FAM20C: variants seen among roughly 807,000 people sequenced by gnomAD.
The protein encoded by FAM20C is FAM20C golgi associated secretory pathway kinase.
In FAM20C, 40 loss-of-function variants were observed where a neutral mutation model predicts 51.5. The ratio of observed to expected loss-of-function variants is 0.78; its 90% CI spans 0.60 to 1.01. FAM20C has a LOEUF of 1.01. Ranked by LOEUF, FAM20C falls within the 50% of genes least tolerant of loss-of-function variation. The probability of loss-of-function intolerance (pLI) is 0.00; values close to 1 mark genes in which losing one functional copy is unlikely to be tolerated. For missense variants in FAM20C, 861 were observed against 844.7 expected (o/e 1.02, Z -0.24); for synonymous variants, 406 against 380.6 (o/e 1.07, Z -0.78).
intron 3 of FAM20C, among the ~76,000 whole-genome samples, chr7:220,927 GC>G (rs1787232851): frequency 6.6e-6 from 1 of 151,328 alleles, no homozygotes; most frequent in Non-Finnish European, 1.5e-5. Flanking sequence ...CTCGTCTCTA[GC>G]AGGGCAGGGG....
At chr7:207,843 C>G (rs1348191938) in intron 2 of FAM20C, among the ~76,000 whole-genome samples, 1 of 152,262 alleles carries the variant, frequency 6.6e-6, no homozygotes, top group Non-Finnish European at 1.5e-5. Flanking sequence ...AGCCCCTTCC[C>G]TGCTGTGGGA....
At chr7:207,784 G>T (rs1325328979) in intron 2 of FAM20C, among the ~76,000 whole-genome samples, 3 of 152,140 alleles carry the variant, frequency 2.0e-5, no homozygotes, top group Admixed American at 2.0e-4. Context: ...CGACCTGGAG[G>T]CCCTCGCTGT....
At chr7:254,257 C>T (rs955939410) in intron 5 of FAM20C, among the ~76,000 whole-genome samples, 11 of 152,208 alleles carry the variant, frequency 7.2e-5, no homozygotes, top group African/African-American at 2.4e-4. Flanking sequence ...CGCTGGGAAG[C>T]GCCCTGCCGA....
chr7:256,915 G>T (rs534654982), intron 7 of FAM20C, 90 bp from the exon 8 acceptor site: 1 of 1,459,536 alleles, frequency 6.9e-7, no homozygotes, highest in Admixed American at 2.0e-5. Flanking sequence ...ACGCTGGCAG[G>T]AGGAGACGCC....
chr7:214,937 C>T (rs1786889833), intron 3 of FAM20C, among the ~76,000 whole-genome samples: 1 of 152,134 alleles, frequency 6.6e-6, no homozygotes, highest in Admixed American at 6.5e-5. Context: ...CCGGGCCTGG[C>T]CTCCCGCCAG....
At position 256,055 on chromosome 7, in the gene FAM20C, G is replaced by A. The variant is rs574332586; in HGVS notation, c.1253+26G>A. 181 of 1,530,692 alleles carry A rather than the reference G, an allele frequency of 1.2e-4. 3 individuals carry two copies. The South Asian group carries it at 1.8e-3, about 15-fold the overall frequency. The allele number at this position is 1,530,692 out of a possible 1,614,324, so 94.8% of individuals were successfully genotyped here. On this transcript the variant is annotated intron_variant, in intron 6 of 9. Coordinates refer to ENST00000313766, the MANE Select transcript of FAM20C (RefSeq NM_020223.4). Reference sequence around the variant, plus strand: ...GTGAGTGCGGGGCCGGGGGGCTGGCGTCCGGCCACCCTACGGCAGAGGGAG... The same window carrying A: ...GTGAGTGCGGGGCCGGGGGGCTGGCATCCGGCCACCCTACGGCAGAGGGAG...
In FAM20C at chr7:193,530, C is replaced by T; in HGVS notation, c.331C>T (p.Pro111Ser). The stretch of plus-strand genomic sequence containing the variant: ...CTCGTCCCACTCGCTGGAGAAACTG[C>T]CGCCCGCGGCCGAGCCGGCCGAGCG... ...NLSSHSLEKL[P>S]PAAEPAERAL... is the part of the protein sequence containing the mutation. Residue 111 changes from proline (P) to serine (S), a missense_variant, in exon 1 of 10, where the codon CCG becomes TCG. Around this residue, in one of 3 missense-constraint regions of FAM20C, gnomAD observed 561 missense variants for 499.8 expected, o/e 1.12. Transcript: ENST00000313766. The T allele has an allele frequency of 6.7e-7, 1 of 1,496,060 alleles. No individual in the cohort carries two copies. 92.7% of individuals were successfully genotyped at this position (1,496,060 alleles called of 1,614,324 possible). A position where few individuals can be genotyped will look rare whatever the true frequency, so the allele number is the denominator to read the frequency against.
chr7:228,090 C>A (rs1583314387), intron 3 of FAM20C: 1 of 240,016 alleles, frequency 4.2e-6, no homozygotes, highest in Non-Finnish European at 8.3e-6. Context: ...ACCACAGCGA[C>A]CCGTCAGAGC....
intron 2 of FAM20C, among the ~76,000 whole-genome samples, chr7:205,263 G>A (rs1183657412): frequency 6.7e-6 from 1 of 149,316 alleles, no homozygotes; most frequent in Non-Finnish European, 1.5e-5. Flanking sequence ...CCACCACGAC[G>A]TCAGCCTCCC....
chr7:257,367 T>C (rs981323467), intron 8 of FAM20C: 5 of 479,946 alleles, frequency 1.0e-5, no homozygotes, highest in Admixed American at 3.4e-5. Context: ...GAGAGGCTGC[T>C]GGTAGGAAGA....
intron 3 of FAM20C, among the ~76,000 whole-genome samples, chr7:219,414 G>A (rs1265630658): frequency 2.1e-5 from 3 of 145,040 alleles, no homozygotes; most frequent in Admixed American, 6.7e-5. Flanking sequence ...GGACAGCAAC[G>A]CCCAGCCCAG....
chr7:247,257 G>A (rs1011884140), intron 4 of FAM20C, among the ~76,000 whole-genome samples: 3 of 152,174 alleles, frequency 2.0e-5, no homozygotes, highest in African/African-American at 7.2e-5. Flanking sequence ...GGAAAGTGGG[G>A]GGTCCGTGTT....
chr7:234,415 G>A (rs1385100418), intron 3 of FAM20C, among the ~76,000 whole-genome samples: 3 of 150,778 alleles, frequency 2.0e-5, no homozygotes, highest in Admixed American at 6.6e-5. Flanking sequence ...GGCAGTGGTG[G>A]GGGGTCCCAG....
chr7:206,545 GTCCA>G (rs1562368088), intron 2 of FAM20C, among the ~76,000 whole-genome samples: 8 of 90,980 alleles, frequency 8.8e-5, no homozygotes, highest in East Asian at 3.7e-4. Flanking sequence ...CTGCACACGT[GTCCA>G]CTGTGACGCG....
chr7:229,571 G>A (rs1327900830), intron 3 of FAM20C: 1 of 152,386 alleles, frequency 6.6e-6, no homozygotes, highest in African/African-American at 2.4e-5. Flanking sequence ...GGATGAGCAA[G>A]GTGCCAGGGG....
chr7:217,993 C>T (rs369270853), intron 3 of FAM20C, among the ~76,000 whole-genome samples: 18 of 152,254 alleles, frequency 1.2e-4, no homozygotes, highest in African/African-American at 3.9e-4. Flanking sequence ...GAGGGCTGCC[C>T]GTCCCCGTCG....
intron 3 of FAM20C, among the ~76,000 whole-genome samples, chr7:214,192 A>G (rs564454555): frequency 3.9e-5 from 6 of 152,068 alleles, no homozygotes; most frequent in South Asian, 2.1e-4. Flanking sequence ...GGGCGTGGTG[A>G]TGCATGCCTG....
intron 3 of FAM20C, among the ~76,000 whole-genome samples, chr7:211,802 C>T (rs1352508363): frequency 3.9e-5 from 6 of 152,240 alleles, no homozygotes; most frequent in Non-Finnish European, 8.8e-5. Flanking sequence ...AAGGCCGTGG[C>T]GTCCAGAGGC....
At chr7:214,249 C>T (rs558522247) in intron 3 of FAM20C, among the ~76,000 whole-genome samples, 39 of 151,804 alleles carry the variant, frequency 2.6e-4, no homozygotes, top group East Asian at 9.7e-4. Flanking sequence ...CGCTTGAACC[C>T]GGGAGGCGGA....
Sources: gnomAD v4.1 joint callset for allele counts (sites outside exome capture counted in the v4.1 genomes callset) on GRCh38, gnomAD v4.1.1 for gene constraint, gnomAD v4.1.1 regional missense constraint, MANE v1.5 for transcripts, NCBI Gene and HGNC (gene_info 2026-07-23, HGNC 2026-07-21) for gene names.